The following FSD1L variants were observed in gnomAD, a reference collection of about 807,000 sequenced individuals.
The protein encoded by FSD1L is FSD1-like protein.
A neutral mutation model predicts 71.6 loss-of-function variants in FSD1L; 45 were observed. The ratio of observed to expected loss-of-function variants is 0.63; its 90% CI spans 0.49 to 0.81. FSD1L has a LOEUF of 0.81. Among genes scored for constraint, FSD1L ranks in the 30% least tolerant of loss-of-function variants. The pLI is 0.00. For synonymous variants in FSD1L, 197 were observed against 207.2 expected (o/e 0.95, Z 0.42); for missense variants, 561 against 618.1 (o/e 0.91, Z 0.98).
intron 7 of FSD1L, among the ~76,000 whole-genome samples, chr9:105,488,785 C>T (rs1357856675): frequency 7.0e-6 from 1 of 143,398 alleles, no homozygotes; most frequent in African/African-American, 2.6e-5. Context: ...GGTGAGATGT[C>T]TGTAAGGTCT....
intron 13 of FSD1L, among the ~76,000 whole-genome samples, chr9:105,540,033 G>A (rs1273211962): frequency 2.0e-5 from 3 of 151,974 alleles, no homozygotes; most frequent in Non-Finnish European, 4.4e-5. Flanking sequence ...AGATCATATC[G>A]TATATGTATA....
chr9:105,499,421 T>A (rs1833630077), intron 7 of FSD1L, among the ~76,000 whole-genome samples: 1 of 152,182 alleles, frequency 6.6e-6, no homozygotes, highest in Admixed American at 6.5e-5. Context: ...TTAAAGAACT[T>A]TTTAAAAACA....
At chr9:105,478,505 T>C (rs765632068) in intron 5 of FSD1L, among the ~76,000 whole-genome samples, 5 of 152,200 alleles carry the variant, frequency 3.3e-5, no homozygotes, top group African/African-American at 9.6e-5. Flanking sequence ...ATGTCTGATA[T>C]ATTGTTAACT....
intron 10 of FSD1L, chr9:105,524,080 CTG>C (rs1589076077): frequency 1.9e-6 from 3 of 1,611,266 alleles, no homozygotes; most frequent in East Asian, 2.2e-5. Context: ...ATAATCAAAA[CTG>C]TATTAAGCTC....
rs957115372 is a variant in FSD1L at position 105,551,418 on chromosome 9, T to C, written c.*4935T>C. The C allele has an allele frequency of 9.2e-5, 14 of 151,806 alleles. No individual in the cohort carries two copies. Among genetic ancestry groups the C allele is most frequent in the African/African-American group, 2.9e-4 (12 of 41,324 alleles). The allele number at this position is 151,806 out of a possible 1,614,324, so 9.4% of individuals were successfully genotyped here. ...TCTATTGCCTTCTTTATAAAATAAG[T>C]GTAAGTTGTTCAGCCTGCCTCACAG... On this transcript the variant is annotated 3_prime_UTR_variant, in exon 14 of 14. Coordinates refer to ENST00000481272, the MANE Select transcript of FSD1L (RefSeq NM_001145313.3).
chr9:105,520,841 A>C, intron 10 of FSD1L: 1 of 1,612,218 alleles, frequency 6.2e-7, no homozygotes, highest in Non-Finnish European at 8.5e-7. Context: ...TTGTCCCCCC[A>C]CAATCAGGAG....
chr9:105,464,480 G>T, intron 3 of FSD1L, 149 bp downstream of exon 3: 1 of 473,156 alleles, frequency 2.1e-6, no homozygotes. Flanking sequence ...TGTTTTCATT[G>T]CAATTCCTGT....
intron 7 of FSD1L, among the ~76,000 whole-genome samples, chr9:105,502,487 C>G (rs1833818806): frequency 6.6e-6 from 1 of 152,104 alleles, no homozygotes; most frequent in Non-Finnish European, 1.5e-5. Flanking sequence ...TCAGTTTTCT[C>G]ATGTGAATGA....
At chr9:105,541,891 A>T (rs1242510058) in intron 13 of FSD1L, among the ~76,000 whole-genome samples, 1 of 152,202 alleles carries the variant, frequency 6.6e-6, no homozygotes, top group African/African-American at 2.4e-5. Context: ...TATGGTATGT[A>T]GCCTTTCGAT....
chr9:105,468,428 C>T (rs10991664), intron 4 of FSD1L, 104 bp downstream of exon 4: 114,423 of 821,666 alleles, frequency 0.14, 8,853 homozygotes, highest in Admixed American at 0.24. Flanking sequence ...TATACCCTTA[C>T]CTCGTAGAAG....
Position 105,520,967 on chromosome 9 carries a change from A to G in FSD1L, c.1025+8031A>G, listed in dbSNP as rs1292112132. 1.9e-6 allele frequency: 3 copies of G among 1,611,860 alleles called. No homozygotes were observed. The East Asian group carries it at 6.7e-5, about 36-fold the overall frequency. ...AAGAAAACCAAGAAAGGGGATTTTCATTTTTGTTTTCACATTTTAAGAAAT... is the reference window on the plus strand; with the variant it reads ...AAGAAAACCAAGAAAGGGGATTTTCGTTTTTGTTTTCACATTTTAAGAAAT... On this transcript the variant is annotated intron_variant, in intron 10 of 13. Transcript: ENST00000481272.
intron 9 of FSD1L, among the ~76,000 whole-genome samples, chr9:105,511,888 A>C (rs767222065): frequency 6.6e-6 from 1 of 152,138 alleles, no homozygotes; most frequent in Non-Finnish European, 1.5e-5. Context: ...CTGTAAAGGG[A>C]TACTGTATTT....
intron 2 of FSD1L, among the ~76,000 whole-genome samples, chr9:105,462,920 C>T (rs1380241229): frequency 2.7e-5 from 4 of 149,454 alleles, no homozygotes; most frequent in African/African-American, 9.8e-5. Flanking sequence ...GGTGGATCTC[C>T]TGAGGTCAAG....
At chr9:105,495,143 T>G (rs940925807) in intron 7 of FSD1L, among the ~76,000 whole-genome samples, 4 of 152,172 alleles carry the variant, frequency 2.6e-5, no homozygotes, top group Non-Finnish European at 5.9e-5. Flanking sequence ...TGAGCTGTGG[T>G]GGGCTCCACC....
At chr9:105,446,588 C>G (rs1282856476), upstream of FSD1L, among the ~76,000 whole-genome samples, 1 of 151,726 alleles carries the variant, frequency 6.6e-6, no homozygotes, top group East Asian at 1.9e-4. Context: ...CCAGGCTGGT[C>G]TCGAACTCCT....
chr9:105,491,020 T>C (rs1290335826), intron 7 of FSD1L, among the ~76,000 whole-genome samples: 5 of 151,840 alleles, frequency 3.3e-5, no homozygotes, highest in Non-Finnish European at 7.4e-5. Context: ...AACTTTAAAG[T>C]AGTTTTTTCG....
intron 13 of FSD1L, 32 bp downstream of exon 13, chr9:105,539,383 A>G: frequency 1.1e-6 from 1 of 942,946 alleles, no homozygotes; most frequent in Non-Finnish European, 1.5e-6. Flanking sequence ...TATATACCTA[A>G]CATATTTTAC....
At chr9:105,482,224 G>A (rs534027316) in intron 6 of FSD1L, among the ~76,000 whole-genome samples, 14 of 152,238 alleles carry the variant, frequency 9.2e-5, no homozygotes, top group African/African-American at 3.4e-4. Context: ...AGGAACAGCA[G>A]GATTAAGAGA....
rs1419584563 is a variant in FSD1L at position 105,535,238 on chromosome 9, C to T, written c.1298C>T (p.Ala433Val). 1 of 1,551,564 alleles carries T rather than the reference C, an allele frequency of 6.4e-7. No homozygotes were observed. The highest frequency in any genetic ancestry group is 1.2e-5 in the South Asian group (1 of 84,050). ...HVNNWLQNTF[A>V]AKHNNKVKAL... The stretch of plus-strand genomic sequence containing the variant: ...AACAACTGGCTACAAAACACATTTG[C>T]AGCAAAGCATAATAATAAAGTCAAA... The change falls in exon 12 of 14, where the codon GCA becomes GTA. Residue 433 changes from alanine (A) to valine (V), a missense_variant. By Grantham distance (64) the Ala-to-Val change is moderately conservative. This residue lies in a region of FSD1L where 53 missense variants were observed against 102.2 expected (regional missense o/e 0.52). Coordinates refer to ENST00000481272, the MANE Select transcript of FSD1L (RefSeq NM_001145313.3).
Sources: allele counts gnomAD v4.1 joint callset (sites outside exome capture counted in the v4.1 genomes callset), GRCh38; gene constraint gnomAD v4.1.1; regional missense constraint gnomAD v4.1.1; transcripts MANE v1.5; gene names NCBI Gene and HGNC (gene_info 2026-07-23, HGNC 2026-07-21).